GSDME: variants seen among roughly 807,000 people sequenced by gnomAD.
The protein encoded by GSDME is gasdermin-E.
In GSDME, 44 loss-of-function variants were observed where a neutral mutation model predicts 47.5. The ratio of observed to expected loss-of-function variants is 0.93; its 90% confidence interval spans 0.73 to 1.19. The LOEUF (loss-of-function observed/expected upper bound fraction) is 1.19, where lower values mean the gene tolerates loss of function less well. GSDME is among the 50% of genes most tolerant of loss of function. The probability of loss-of-function intolerance (pLI) is 0.00; values close to 1 mark genes in which losing one functional copy is unlikely to be tolerated. For synonymous variants in GSDME, 258 were observed against 252.8 expected, an observed-to-expected ratio of 1.02 and a Z score of -0.20; for missense variants, 663 against 604.2, an observed-to-expected ratio of 1.10 and a Z score of -1.02.
chr7:24,713,813 C>G (rs1022167280), intron 5 of GSDME, among the ~76,000 whole-genome samples: 2 of 152,200 alleles, frequency 1.3e-5, no homozygotes, highest in East Asian at 3.9e-4. Context: ...TAGCCAGTTA[C>G]GAGTCTGTGG....
chr7:24,710,470 T>C (rs1158580652), intron 5 of GSDME, 82 bp from the exon 6 acceptor site: 55 of 1,351,650 alleles, frequency 4.1e-5, no homozygotes, highest in Non-Finnish European at 5.7e-5. Flanking sequence ...CAGCCCAGCC[T>C]TGATGGCACA....
At chr7:24,741,136 T>C (rs997925943) in intron 3 of GSDME, among the ~76,000 whole-genome samples, 2 of 152,150 alleles carry the variant, frequency 1.3e-5, no homozygotes, top group Admixed American at 6.5e-5. Context: ...CAAGTCGACC[T>C]AAGTTATTGA....
Position 24,698,892 on chromosome 7 carries a change from A to G in GSDME, c.*134T>C, listed in dbSNP as rs1337886859. On this transcript the variant is annotated 3_prime_UTR_variant, in exon 10 of 10. Transcript: ENST00000645220. Reference sequence around the variant, plus strand: ...GTGGCTAAAAGTCAGGTCATTCATCATGCAAAATGTCACCACTTCTTAAAC... The same window carrying G: ...GTGGCTAAAAGTCAGGTCATTCATCGTGCAAAATGTCACCACTTCTTAAAC... The G allele has an allele frequency of 2.7e-6, 2 of 747,400 alleles. No individual in the cohort carries two copies. The highest frequency in any genetic ancestry group is 2.4e-6 in the Non-Finnish European group (1 of 424,488). 46.3% of individuals were successfully genotyped at this position (747,400 alleles called of 1,614,324 possible). A position where few individuals can be genotyped will look rare whatever the true frequency, so the allele number is the denominator to read the frequency against.
chr7:24,749,129 A>T (rs1456567903), intron 2 of GSDME, among the ~76,000 whole-genome samples: 1 of 152,196 alleles, frequency 6.6e-6, no homozygotes, highest in Non-Finnish European at 1.5e-5. Context: ...TTAAGAAAGG[A>T]TATGTTTTTA....
chr7:24,794,280 C>CCTCT, the GSDME span, among the ~76,000 whole-genome samples: 5 of 134,572 alleles, frequency 3.7e-5, no homozygotes, highest in Non-Finnish European at 7.7e-5. Flanking sequence ...CTCTCTCTTT[C>CCTCT]CTCTCTCTCT....
the GSDME span, among the ~76,000 whole-genome samples, chr7:24,790,153 G>A: frequency 6.6e-6 from 1 of 152,184 alleles, no homozygotes; most frequent in Non-Finnish European, 1.5e-5. The surrounding 1 kb of genome is among the most constrained non-coding windows in gnomAD (Gnocchi z 4.1). Context: ...CCAGCTGCTA[G>A]CAAGTAGTCA....
At chr7:24,763,656 G>C in the GSDME span, among the ~76,000 whole-genome samples, 1 of 152,164 alleles carries the variant, frequency 6.6e-6, no homozygotes, top group Non-Finnish European at 1.5e-5. This position sits in a 1 kb window ranked among gnomAD's most constrained non-coding sequence, Gnocchi z 4.3. Flanking sequence ...GACTGATAGT[G>C]GGTAACTGAA....
At position 24,705,675 on chromosome 7, in the gene GSDME, T is replaced by C. The variant is rs1789066404; in HGVS notation, c.1183+509A>G. 4.3e-6 allele frequency: 1 copy of C among 231,072 alleles called. No homozygotes were observed. Among genetic ancestry groups the C allele is most frequent in the Non-Finnish European group, 8.6e-6 (1 of 116,408 alleles). The allele number at this position is 231,072 out of a possible 1,614,324, so 14.3% of individuals were successfully genotyped here. The stretch of plus-strand genomic sequence containing the variant: ...AGGACCAGTGCAGAAGCTGTGCATC[T>C]GGGCCCAGCCACAGCTCTGCCTCCC... On this transcript the variant is annotated intron_variant, in intron 8 of 9. Transcript: ENST00000645220. This position sits in a 1 kb window ranked among gnomAD's most constrained non-coding sequence, Gnocchi z 4.1.
intron 1 of GSDME, among the ~76,000 whole-genome samples, chr7:24,755,801 A>G (rs1790996715): frequency 6.6e-6 from 1 of 152,190 alleles, no homozygotes; most frequent in Non-Finnish European, 1.5e-5. Flanking sequence ...AGTGCCCTTG[A>G]AAAAGGTAAA....
In GSDME at chr7:24,745,870, A is replaced by G. The variant is rs1211136499; in HGVS notation, c.212-1116T>C. On this transcript the variant is annotated intron_variant, in intron 2 of 9. Coordinates refer to ENST00000645220, the MANE Select transcript of GSDME (RefSeq NM_001127453.2). This position sits in a 1 kb window ranked among gnomAD's most constrained non-coding sequence, Gnocchi z 4.4. ...AATATAAAAATAATAACAAATAAAAATAATGATTTTAAAAATAGTCTCTAT... is the reference window on the plus strand; with the variant it reads ...AATATAAAAATAATAACAAATAAAAGTAATGATTTTAAAAATAGTCTCTAT... Among the ~76,000 whole-genome samples, 4 of 152,204 alleles carry G rather than the reference A, an allele frequency of 2.6e-5. No individual in the cohort carries two copies. Among genetic ancestry groups the G allele is most frequent in the African/African-American group, 9.6e-5 (4 of 41,458 alleles).
intron 2 of GSDME, among the ~76,000 whole-genome samples, chr7:24,746,637 C>A (rs1562713920): frequency 6.6e-6 from 1 of 152,180 alleles, no homozygotes; most frequent in Non-Finnish European, 1.5e-5. Context: ...CTCCTGGAAA[C>A]CCTGTCCCCA....
intron 3 of GSDME, among the ~76,000 whole-genome samples, chr7:24,722,552 G>A (rs185899628): frequency 3.0e-4 from 46 of 152,248 alleles, no homozygotes; most frequent in Non-Finnish European, 4.3e-4. Flanking sequence ...CTAGACGCAC[G>A]TCAGACACAT....
chr7:24,720,115 G>A (rs1395436543), intron 3 of GSDME, among the ~76,000 whole-genome samples: 1 of 152,216 alleles, frequency 6.6e-6, no homozygotes, highest in Non-Finnish European at 1.5e-5. Flanking sequence ...ACTGAGGCTG[G>A]TTATGCATGG....
At chr7:24,740,436 C>A (rs1201030804) in intron 3 of GSDME, among the ~76,000 whole-genome samples, 1 of 151,266 alleles carries the variant, frequency 6.6e-6, no homozygotes, top group African/African-American at 2.4e-5. Flanking sequence ...CTTTAGGACA[C>A]CTAAAGCCAA....
the GSDME span, among the ~76,000 whole-genome samples, chr7:24,783,575 A>G: frequency 6.6e-6 from 1 of 152,172 alleles, no homozygotes; most frequent in African/African-American, 2.4e-5. Context: ...TGTTTGGAGC[A>G]GAGAAGGTTT....
chr7:24,717,646 T>C (rs111828947), intron 4 of GSDME, among the ~76,000 whole-genome samples: 5 of 152,280 alleles, frequency 3.3e-5, no homozygotes, highest in African/African-American at 1.2e-4. Context: ...TACAGTGCTG[T>C]GCAAAGATCA....
rs2128058486 is a variant in GSDME, at chr7:24,732,054, G to A, written c.404+12508C>T. 6.6e-6 allele frequency among the ~76,000 whole-genome samples: 1 copy of A among 152,320 alleles called. No homozygotes were observed. The highest frequency in any genetic ancestry group is 2.1e-4 in the South Asian group (1 of 4,824). On this transcript the variant is annotated intron_variant, in intron 3 of 9. Transcript: ENST00000645220. The surrounding 1 kb of genome is among the most constrained non-coding windows in gnomAD (Gnocchi z 4.8). ...GGGATGCCCCGGTTTATTGTGACCA[G>A]TTACACCTGCCCTGGAAGGAGAAAC...
At chr7:24,702,906 C>T in intron 8 of GSDME, 73 bp from the exon 9 acceptor site, 2 of 1,308,602 alleles carry the variant, frequency 1.5e-6, no homozygotes, top group Non-Finnish European at 2.2e-6. Flanking sequence ...CCCTGGATGG[C>T]ACCTAACTTA....
the GSDME span, among the ~76,000 whole-genome samples, chr7:24,775,519 G>T: frequency 3.3e-5 from 5 of 152,106 alleles, no homozygotes; most frequent in African/African-American, 1.2e-4. Context: ...TGCTGGGGAC[G>T]CCTTGAGGTT....
Sources: gnomAD v4.1 joint callset for allele counts (sites outside exome capture counted in the v4.1 genomes callset) on GRCh38, gnomAD v4.1.1 for gene constraint, Gnocchi (gnomAD v3.1) non-coding constraint, MANE v1.5 for transcripts, NCBI Gene and HGNC (gene_info 2026-07-23, HGNC 2026-07-21) for gene names.